KCNJ16: variants seen among roughly 807,000 people sequenced by gnomAD.
KCNJ16 encodes potassium inwardly rectifying channel subfamily J member 16, also known as inward rectifier potassium channel 16.
A neutral mutation model predicts 18.5 loss-of-function variants in KCNJ16; 15 were observed. The ratio of observed to expected loss-of-function variants is 0.81; its 90% CI spans 0.54 to 1.25. KCNJ16 has a LOEUF of 1.25. Ranked by LOEUF, KCNJ16 falls within the 50% of genes most tolerant of loss-of-function variation. The pLI is 0.00. For missense variants in KCNJ16, 523 were observed against 525.7 expected (o/e 0.99, Z 0.05); for synonymous variants, 174 against 186.5 (o/e 0.93, Z 0.55).
chr17:70,081,216 T>C (rs1230821037), intron 1 of KCNJ16, among the ~76,000 whole-genome samples: 1 of 152,142 alleles, frequency 6.6e-6, no homozygotes, highest in African/African-American at 2.4e-5. Flanking sequence ...TTGAGCCAAT[T>C]TGTGGGTGGT....
At chr17:70,107,264 G>A (rs2072974054) in intron 2 of KCNJ16, among the ~76,000 whole-genome samples, 1 of 152,090 alleles carries the variant, frequency 6.6e-6, no homozygotes, top group Non-Finnish European at 1.5e-5. Flanking sequence ...TGAAAGTAAA[G>A]GTACTGTTTT....
intron 1 of KCNJ16, among the ~76,000 whole-genome samples, chr17:70,085,250 C>G (rs543006800): frequency 1.1e-4 from 16 of 152,312 alleles, no homozygotes; most frequent in African/African-American, 3.6e-4. Context: ...ATTACATTTT[C>G]CATTTATTTT....
intron 1 of KCNJ16, among the ~76,000 whole-genome samples, chr17:70,091,173 T>C (rs111992729): frequency 6.6e-6 from 1 of 152,064 alleles, no homozygotes; most frequent in South Asian, 2.1e-4. Flanking sequence ...CAATCATGAG[T>C]AGGTCCTCCT....
At chr17:70,076,918 T>G (rs557016299) in intron 1 of KCNJ16, among the ~76,000 whole-genome samples, 25 of 152,330 alleles carry the variant, frequency 1.6e-4, no homozygotes, top group African/African-American at 4.8e-4. Context: ...AGTTCCAGCA[T>G]AAGAAGATCA....
intron 1 of KCNJ16, among the ~76,000 whole-genome samples, chr17:70,085,008 G>A (rs1598089052): frequency 6.6e-6 from 1 of 152,082 alleles, no homozygotes; most frequent in Non-Finnish European, 1.5e-5. Flanking sequence ...AGGCTACTTA[G>A]TTGGGTAGAT....
chr17:70,123,130 G>A (rs1336170869), intron 2 of KCNJ16, among the ~76,000 whole-genome samples: 1 of 152,032 alleles, frequency 6.6e-6, no homozygotes, highest in East Asian at 1.9e-4. Context: ...CTGTTCTTGG[G>A]AGAAATATCC....
intron 1 of KCNJ16, among the ~76,000 whole-genome samples, chr17:70,084,967 T>C (rs1024480225): frequency 6.6e-6 from 1 of 152,220 alleles, no homozygotes; most frequent in East Asian, 1.9e-4. Flanking sequence ...CGCTTTCATC[T>C]TAATCTTCTG....
intron 2 of KCNJ16, among the ~76,000 whole-genome samples, chr17:70,127,313 G>A (rs1252792789): frequency 4.6e-5 from 7 of 152,046 alleles, no homozygotes; most frequent in South Asian, 4.2e-4. Context: ...TTGGAGAAGC[G>A]TGGACAGTTA....
intron 2 of KCNJ16, among the ~76,000 whole-genome samples, chr17:70,103,296 G>GTGTGTGTGTGTATATATATATATATATA (rs1408960241): frequency 3.6e-4 from 26 of 72,042 alleles, no homozygotes; most frequent in African/African-American, 9.3e-4. Flanking sequence ...ATGTGTGTGT[G>GTGTGTGTGTGTATATATATATATATATA]TATATATATA....
intron 1 of KCNJ16, among the ~76,000 whole-genome samples, chr17:70,082,075 T>G (rs1452259325): frequency 6.6e-6 from 1 of 152,172 alleles, no homozygotes; most frequent in Non-Finnish European, 1.5e-5. Flanking sequence ...ACTAGGCATG[T>G]AAAGATTAGT....
chr17:70,093,951 A>G (rs940901721), intron 1 of KCNJ16, among the ~76,000 whole-genome samples: 4 of 146,764 alleles, frequency 2.7e-5, no homozygotes, highest in African/African-American at 7.5e-5. Flanking sequence ...AGGAGTAAGG[A>G]AAAAAAAAAC....
intron 2 of KCNJ16, among the ~76,000 whole-genome samples, chr17:70,120,976 G>A (rs1386660529): frequency 1.3e-5 from 2 of 152,182 alleles, no homozygotes; most frequent in African/African-American, 4.8e-5. Flanking sequence ...GGAGAAGAGA[G>A]TGGGGATGCA....
intron 1 of KCNJ16, among the ~76,000 whole-genome samples, chr17:70,092,846 G>T (rs1445311088): frequency 6.6e-6 from 1 of 152,134 alleles, no homozygotes; most frequent in Non-Finnish European, 1.5e-5. Flanking sequence ...AAAAGGAAAA[G>T]ATGTTTGTCC....
At chr17:70,118,463 A>T (rs796890412) in intron 2 of KCNJ16, among the ~76,000 whole-genome samples, 72 of 152,212 alleles carry the variant, frequency 4.7e-4, no homozygotes, top group African/African-American at 1.6e-3. Flanking sequence ...AAAAGAAAAG[A>T]TGTTTAATTG....
chr17:70,091,526 G>A (rs937543776), intron 1 of KCNJ16, among the ~76,000 whole-genome samples: 2 of 152,080 alleles, frequency 1.3e-5, no homozygotes, highest in Non-Finnish European at 1.5e-5. Flanking sequence ...AATAGGATTT[G>A]CTGCAAACAA....
intron 2 of KCNJ16, among the ~76,000 whole-genome samples, chr17:70,120,783 C>G (rs890366407): frequency 2.6e-5 from 4 of 152,182 alleles, no homozygotes; most frequent in African/African-American, 9.7e-5. Context: ...GCAACCCCAC[C>G]TTCAGCATTA....
intron 2 of KCNJ16, among the ~76,000 whole-genome samples, chr17:70,123,815 G>A (rs1304437363): frequency 5.9e-5 from 9 of 152,106 alleles, no homozygotes; most frequent in East Asian, 3.9e-4. Context: ...CTGTAACCAC[G>A]GTAGCAGAAG....
intron 1 of KCNJ16, among the ~76,000 whole-genome samples, chr17:70,094,018 C>G (rs1253700496): frequency 6.6e-6 from 1 of 151,816 alleles, no homozygotes; most frequent in Non-Finnish European, 1.5e-5. Flanking sequence ...AGGTGAAAGA[C>G]ATGAAGCATT....
At chr17:70,076,933 G>C (rs187421333) in intron 1 of KCNJ16, among the ~76,000 whole-genome samples, 123 of 152,246 alleles carry the variant, frequency 8.1e-4, no homozygotes, top group African/African-American at 2.9e-3. Context: ...AGATCATTGG[G>C]AGCCATCTTC....
Sources: allele counts gnomAD v4.1 joint callset (sites outside exome capture counted in the v4.1 genomes callset), GRCh38; gene constraint gnomAD v4.1.1; transcripts MANE v1.5; gene names NCBI Gene and HGNC (gene_info 2026-07-23, HGNC 2026-07-21).